Variants in SLC5A6 observed in about 807,000 individuals in gnomAD.
The protein encoded by SLC5A6 is sodium-dependent multivitamin transporter.
Under a neutral mutation model 67.9 loss-of-function variants are expected in SLC5A6, and 31 were observed. That is an observed-to-expected ratio of 0.46 (90% confidence interval 0.34 to 0.62). The LOEUF (loss-of-function observed/expected upper bound fraction) is 0.62. SLC5A6 is among the 20% of genes least tolerant of loss of function. SLC5A6 has a pLI of 0.01. For synonymous variants in SLC5A6, 343 were observed against 331.0 expected (o/e 1.04, Z -0.39); for missense variants, 673 against 812.8 (o/e 0.83, Z 2.09).
chr2:27,203,431 C>A (rs113320429), intron 10 of SLC5A6, 86 bp from the exon 11 acceptor site: 11 of 1,197,076 alleles, frequency 9.2e-6, no homozygotes, highest in Non-Finnish European at 1.3e-5. Flanking sequence ...TGTCCTAAAG[C>A]GGGGAGATGA....
intron 15 of SLC5A6, 97 bp from the exon 16 acceptor site, chr2:27,201,210 ACCT>A (rs1183319906): frequency 2.5e-6 from 2 of 814,796 alleles, no homozygotes; most frequent in African/African-American, 3.8e-5. Flanking sequence ...GCCCCCACCC[ACCT>A]CCTACATCCC....
In SLC5A6 at chr2:27,207,024, A is replaced by T; in HGVS notation, c.394-82T>A. ...AAATTCCCTCAAGATGCTCAGGAAC[A>T]TGAGGGAATATCCAACCCATACCCA... On this transcript the variant is annotated intron_variant, in intron 3 of 16. Coordinates refer to ENST00000310574, the MANE Select transcript of SLC5A6 (RefSeq NM_021095.4). The surrounding 1 kb of genome is among the most constrained non-coding windows in gnomAD (Gnocchi z 5.5). 2 of 1,255,584 alleles carry T rather than the reference A, an allele frequency of 1.6e-6. No individual in the cohort carries two copies. The highest frequency in any genetic ancestry group is 2.3e-6 in the Non-Finnish European group (2 of 853,714). The allele number at this position is 1,255,584 out of a possible 1,614,324, so 77.8% of individuals were successfully genotyped here.
chr2:27,208,191 C>T (rs563054563), intron 2 of SLC5A6, among the ~76,000 whole-genome samples: 1 of 152,352 alleles, frequency 6.6e-6, no homozygotes, highest in Non-Finnish European at 1.5e-5. Context: ...GCAGGAAACA[C>T]AGCATGGAGA....
chr2:27,207,719 G>T lies in SLC5A6; in HGVS notation c.-69C>A. 6.9e-7 allele frequency: 1 copy of T among 1,449,220 alleles called. No individual in the cohort carries two copies. 89.8% of individuals were successfully genotyped at this position (1,449,220 alleles called of 1,614,324 possible). On this transcript the variant is annotated 5_prime_UTR_variant, in exon 3 of 17. Coordinates refer to ENST00000310574, the MANE Select transcript of SLC5A6 (RefSeq NM_021095.4). This position sits in a 1 kb window ranked among gnomAD's most constrained non-coding sequence, Gnocchi z 5.5. ...GCTCTGGGGTAGGGCAGGGGCGGAT[G>T]TGTGGCTACAATCTGGCTTCCAGCC... is the stretch of plus-strand genomic sequence containing the variant.
Position 27,200,265 on chromosome 2 carries a change from TG to T in SLC5A6, c.*170del. ...AAAACGGTGCCTCACATGCTTGAGA[TG>T]TGACAGCTTCTCCTGCAGGCAAGAA... On this transcript the variant is annotated 3_prime_UTR_variant, in exon 17 of 17. Transcript: ENST00000310574. The T allele has an allele frequency of 3.7e-6, 2 of 545,384 alleles. No homozygotes were observed. Among genetic ancestry groups the T allele is most frequent in the Non-Finnish European group, 6.1e-6 (2 of 326,298 alleles). 33.8% of individuals were successfully genotyped at this position (545,384 alleles called of 1,614,324 possible).
In SLC5A6 at chr2:27,207,199, G is replaced by GC. The variant is rs1674138002; in HGVS notation, c.393+58_393+59insG. The GC allele has an allele frequency of 1.3e-6, 2 of 1,571,148 alleles. No homozygotes were observed. The highest frequency in any genetic ancestry group is 1.3e-5 in the African/African-American group (1 of 74,148). ...GGTCCCAGGTCCTTCCTATGTGCCT[G>GC]TCCCTCCTCTCCACCCCAACCCGTG... On this transcript the variant is annotated intron_variant, in intron 3 of 16. Transcript: ENST00000310574. This position sits in a 1 kb window ranked among gnomAD's most constrained non-coding sequence, Gnocchi z 5.5.
At chr2:27,211,889 T>A (rs989695672) in intron 1 of SLC5A6, 131 bp downstream of exon 1, 1 of 305,084 alleles carries the variant, frequency 3.3e-6, no homozygotes, top group African/African-American at 2.3e-5. Flanking sequence ...GCTCACGCTC[T>A]CCAGGCCCAC....
chr2:27,204,518 G>C lies in SLC5A6; in HGVS notation c.948C>G (p.Phe316Leu). 1 of 1,613,962 alleles carries C rather than the reference G, an allele frequency of 6.2e-7. No homozygotes were observed. Among genetic ancestry groups the C allele is most frequent in the Non-Finnish European group, 8.5e-7 (1 of 1,179,972 alleles). Reference protein sequence around the residue: ...CVGCLIGLVMFAYYQEYPMSI... With the variant: ...CVGCLIGLVMLAYYQEYPMSI... ...TCATGGGATACTCCTGGTAATACGC[G>C]AACATGACCAGGCCAATGAGGCAGC... The change falls in exon 9 of 17, where the codon TTC (phenylalanine) becomes TTG (leucine). Residue 316 changes from phenylalanine to leucine, a missense_variant. By Grantham distance (22) the Phe-to-Leu change is conservative. Coordinates refer to ENST00000310574, the MANE Select transcript of SLC5A6 (RefSeq NM_021095.4).
Position 27,200,236 on chromosome 2 carries a change from G to A in SLC5A6, c.*200C>T, listed in dbSNP as rs900042488. 8 of 487,562 alleles carry A rather than the reference G, an allele frequency of 1.6e-5. No individual in the cohort carries two copies. Among genetic ancestry groups the A allele is most frequent in the Non-Finnish European group, 2.1e-5 (6 of 280,564 alleles). 30.2% of individuals were successfully genotyped at this position (487,562 alleles called of 1,614,324 possible). On this transcript the variant is annotated 3_prime_UTR_variant, in exon 17 of 17. Coordinates refer to ENST00000310574, the MANE Select transcript of SLC5A6 (RefSeq NM_021095.4). Reference sequence around the variant, plus strand: ...TTTAAAAAACAGATTGGCAAGCGACGAGAAAAACGGTGCCTCACATGCTTG... The same window carrying A: ...TTTAAAAAACAGATTGGCAAGCGACAAGAAAAACGGTGCCTCACATGCTTG...
chr2:27,212,451 C>T (rs1344288040), upstream of SLC5A6: 28 of 1,563,570 alleles, frequency 1.8e-5, no homozygotes, highest in Non-Finnish European at 2.3e-5. Flanking sequence ...GTGGAAAGGG[C>T]TCTGGCGCTA....
chr2:27,201,620 AAAG>A (rs1482447388), intron 14 of SLC5A6, 43 bp downstream of exon 14: 3 of 1,580,714 alleles, frequency 1.9e-6, no homozygotes, highest in Non-Finnish European at 2.6e-6. Context: ...GAAAGCCCTC[AAAG>A]GAGGGCTTTG....
At chr2:27,210,304 C>T (rs1674375524) in intron 2 of SLC5A6, among the ~76,000 whole-genome samples, 1 of 152,228 alleles carries the variant, frequency 6.6e-6, no homozygotes, top group Non-Finnish European at 1.5e-5. Context: ...GTTTTCTAAA[C>T]ACCCTACATT....
chr2:27,203,709 T>A (rs1673825360), intron 10 of SLC5A6, 70 bp downstream of exon 10: 1 of 1,161,632 alleles, frequency 8.6e-7, no homozygotes, highest in Admixed American at 1.7e-5. Flanking sequence ...ATCACCCCGC[T>A]CCACCCATCA....
At chr2:27,206,122 C>A (rs1203769005) in intron 5 of SLC5A6, 29 bp from the exon 6 acceptor site, 2 of 1,610,940 alleles carry the variant, frequency 1.2e-6, no homozygotes, top group Non-Finnish European at 1.7e-6. Context: ...CATTCTTATC[C>A]CTGGAAAAGG....
At chr2:27,202,332 T>C (rs1426836894) in intron 12 of SLC5A6, among the ~76,000 whole-genome samples, 3 of 151,812 alleles carry the variant, frequency 2.0e-5, no homozygotes, top group Non-Finnish European at 4.4e-5. Flanking sequence ...TAAAACCCCG[T>C]CTCTACTACA....
At position 27,201,881 on chromosome 2, in the gene SLC5A6, C is replaced by T. The variant is rs767044207; in HGVS notation, c.1363-34G>A. The T allele has an allele frequency of 1.9e-6, 3 of 1,612,156 alleles. No homozygotes were observed. The African/African-American group carries it at 4.0e-5, about 22-fold the overall frequency. The stretch of plus-strand genomic sequence containing the variant: ...ACACAGTGCAGGCCTGTCACAAGGC[C>T]AGTCCTGCCAGCCCTCACGGCAGTC... On this transcript the variant is annotated intron_variant, in intron 13 of 16. Coordinates refer to ENST00000310574, the MANE Select transcript of SLC5A6 (RefSeq NM_021095.4).
In SLC5A6 at chr2:27,209,599, A is replaced by G. The variant is rs138283717; in HGVS notation, c.-140-1809T>C. On this transcript the variant is annotated intron_variant, in intron 2 of 16. Coordinates refer to ENST00000310574, the MANE Select transcript of SLC5A6 (RefSeq NM_021095.4). Reference sequence around the variant, plus strand: ...CAAGGGCCCTGTCCTCACTATTCCCAGAACCAGGACAGGAGCAGAGTGTTG... The same window carrying G: ...CAAGGGCCCTGTCCTCACTATTCCCGGAACCAGGACAGGAGCAGAGTGTTG... 1.4e-4 allele frequency among the ~76,000 whole-genome samples: 22 copies of G among 152,354 alleles called. No homozygotes were observed. The East Asian group carries it at 4.2e-3, about 29-fold the overall frequency.
At chr2:27,204,384 G>T in intron 9 of SLC5A6, 77 bp downstream of exon 9, 2 of 1,491,516 alleles carry the variant, frequency 1.3e-6, no homozygotes, top group Non-Finnish European at 9.0e-7. Context: ...CCTTTCTGCA[G>T]TCAGTCCTTT....
intron 7 of SLC5A6, 199 bp from the exon 8 acceptor site, chr2:27,205,130 C>T: frequency 1.4e-6 from 1 of 717,260 alleles, no homozygotes; most frequent in Admixed American, 2.8e-5. Flanking sequence ...ACCCCAGGCT[C>T]ATTCCAGGTA....
Sources: allele counts gnomAD v4.1 joint callset (sites outside exome capture counted in the v4.1 genomes callset), GRCh38; gene constraint gnomAD v4.1.1; non-coding constraint Gnocchi (gnomAD v3.1); transcripts MANE v1.5; gene names NCBI Gene and HGNC (gene_info 2026-07-23, HGNC 2026-07-21).